UBE3C: variants seen among roughly 807,000 people sequenced by gnomAD.
UBE3C encodes the protein ubiquitin-protein ligase E3C.
Under a neutral mutation model 129.4 loss-of-function variants are expected in UBE3C, and 42 were observed. That is an observed-to-expected ratio of 0.32 (90% confidence interval 0.25 to 0.42). The LOEUF (loss-of-function observed/expected upper bound fraction) is 0.42. Among genes scored for constraint, UBE3C ranks in the 10% least tolerant of loss-of-function variants. The pLI is 1.00. For missense variants in UBE3C, 1,049 were observed against 1,319.1 expected, an observed-to-expected ratio of 0.80 and a Z score of 3.17; for synonymous variants, 510 against 492.4, an observed-to-expected ratio of 1.04 and a Z score of -0.47.
chr7:157,229,168 A>G (rs768812763), intron 17 of UBE3C, among the ~76,000 whole-genome samples: 1 of 151,958 alleles, frequency 6.6e-6, no homozygotes, highest in Non-Finnish European at 1.5e-5. Flanking sequence ...CCTTCCCCCT[A>G]TCTTTTCTGC....
chr7:157,213,363 C>T (rs931370395), intron 13 of UBE3C, among the ~76,000 whole-genome samples: 1 of 152,242 alleles, frequency 6.6e-6, no homozygotes, highest in African/African-American at 2.4e-5. Context: ...CGACTGGCTC[C>T]ACCTCAGACT....
At chr7:157,216,766 T>C in intron 13 of UBE3C, 101 bp from the exon 14 acceptor site, 1 of 905,078 alleles carries the variant, frequency 1.1e-6, no homozygotes, top group Non-Finnish European at 1.7e-6. Context: ...CCTGGGTTCC[T>C]GCACCACCGC....
intron 22 of UBE3C, among the ~76,000 whole-genome samples, chr7:157,257,794 G>T (rs1796792334): frequency 6.8e-6 from 1 of 147,838 alleles, no homozygotes; most frequent in Non-Finnish European, 1.5e-5. Flanking sequence ...CATAATTCCT[G>T]TATTCACTGT....
chr7:157,197,927 T>C (rs1809168259), intron 10 of UBE3C: 2 of 1,607,618 alleles, frequency 1.2e-6, no homozygotes, highest in Non-Finnish European at 1.7e-6. Context: ...GTGTAAGCCT[T>C]CCAAGTTTTT....
intron 8 of UBE3C, among the ~76,000 whole-genome samples, chr7:157,183,449 T>C (rs1370376564): frequency 6.6e-6 from 1 of 152,174 alleles, no homozygotes; most frequent in Non-Finnish European, 1.5e-5. Flanking sequence ...TGTGTTGAGC[T>C]CATTGTGTCT....
rs987093823 is a variant in UBE3C at position 157,268,500 on chromosome 7, CTACTGCAACA to C, written c.*747_*756del. 6.6e-6 allele frequency: 1 copy of C among 152,620 alleles called. No individual in the cohort carries two copies. Among genetic ancestry groups the C allele is most frequent in the African/African-American group, 2.4e-5 (1 of 41,426 alleles). 9.5% of individuals were successfully genotyped at this position (152,620 alleles called of 1,614,324 possible). On this transcript the variant is annotated 3_prime_UTR_variant, in exon 23 of 23. Coordinates refer to ENST00000348165, the MANE Select transcript of UBE3C (RefSeq NM_014671.3). ...AGGTGGAGGAGGAGGGTCTGCCAAG[CTACTGCAACA>C]TCTGTCACCCACTATACCCAGTTAC...
At chr7:157,187,933 T>C (rs1260993114) in intron 10 of UBE3C, among the ~76,000 whole-genome samples, 1 of 152,154 alleles carries the variant, frequency 6.6e-6, no homozygotes, top group Non-Finnish European at 1.5e-5. Flanking sequence ...AAGTAAATTT[T>C]TGTTTTTCAG....
chr7:157,182,383 A>T, intron 8 of UBE3C, 55 bp downstream of exon 8: 2 of 1,565,016 alleles, frequency 1.3e-6, no homozygotes, highest in East Asian at 2.2e-5. Context: ...GCATTGGCAG[A>T]TGAGTCAAGA....
In UBE3C at chr7:157,254,125, G is replaced by GA; in HGVS notation, c.2867dup (p.Asp956GlufsTer39). ...CAGCCTCGAGTGGCTCCGAATGTTT[G>GA]ATCAGCAAGAAATTCAGGTACCCTA... On this transcript the variant is annotated frameshift_variant, in exon 20 of 23. Coordinates refer to ENST00000348165, the MANE Select transcript of UBE3C (RefSeq NM_014671.3). LOFTEE classifies it high-confidence loss of function. The GA allele has an allele frequency of 6.2e-7, 1 of 1,610,454 alleles. No individual in the cohort carries two copies. The highest frequency in any genetic ancestry group is 8.5e-7 in the Non-Finnish European group (1 of 1,178,130).
chr7:157,232,377 G>A (rs73507540), intron 18 of UBE3C, among the ~76,000 whole-genome samples: 17,594 of 151,564 alleles, frequency 0.12, 2,860 homozygotes, highest in African/African-American at 0.37. Context: ...TGTTTGAGAC[G>A]GAGTCTCTCC....
chr7:157,259,182 G>C (rs1796833145), intron 22 of UBE3C, among the ~76,000 whole-genome samples: 1 of 152,264 alleles, frequency 6.6e-6, no homozygotes, highest in African/African-American at 2.4e-5. Flanking sequence ...ACTCAGACCT[G>C]AGTCAGCGCT....
rs559504144 is a variant in UBE3C at position 157,146,986 on chromosome 7, C to T, written c.66+7648C>T. On this transcript the variant is annotated intron_variant, in intron 1 of 22. Coordinates refer to ENST00000348165, the MANE Select transcript of UBE3C (RefSeq NM_014671.3). ...TTGAAGTCTGGTAGTGTGAGTCCTT[C>T]GACTTCCTTCTTCTTTAGTATTGTG... Among the ~76,000 whole-genome samples, 20 of 152,194 alleles carry T rather than the reference C, an allele frequency of 1.3e-4. No homozygotes were observed. In the South Asian group the frequency reaches 3.3e-3, roughly 25 times the overall value.
At chr7:157,157,326 T>C (rs1586649740) in intron 1 of UBE3C, among the ~76,000 whole-genome samples, 1 of 152,146 alleles carries the variant, frequency 6.6e-6, no homozygotes, top group African/African-American at 2.4e-5. Context: ...AAAAATATCA[T>C]AACCAAGGTT....
intron 22 of UBE3C, among the ~76,000 whole-genome samples, chr7:157,267,185 A>C (rs189429710): frequency 6.6e-6 from 1 of 151,656 alleles, no homozygotes; most frequent in Non-Finnish European, 1.5e-5. Context: ...GCACTTTGGG[A>C]GGCAGAGGTG....
At chr7:157,180,482 T>C (rs1216034036) in intron 6 of UBE3C, among the ~76,000 whole-genome samples, 1 of 152,176 alleles carries the variant, frequency 6.6e-6, no homozygotes. Context: ...GATAAAGTAC[T>C]GAGTATGCAT....
chr7:157,186,543 A>G (rs1221277496), intron 9 of UBE3C, among the ~76,000 whole-genome samples: 3 of 143,414 alleles, frequency 2.1e-5, no homozygotes, highest in African/African-American at 7.9e-5. Flanking sequence ...AGCTTGATGT[A>G]AAAAAAAAAA....
At chr7:157,140,985 C>T (rs946423029) in intron 1 of UBE3C, among the ~76,000 whole-genome samples, 1 of 152,186 alleles carries the variant, frequency 6.6e-6, no homozygotes, top group African/African-American at 2.4e-5. Context: ...AAGGAAAAGG[C>T]GTCTCAGCTG....
At chr7:157,222,894 G>A (rs866389330) in intron 15 of UBE3C, 11 of 224,784 alleles carry the variant, frequency 4.9e-5, no homozygotes, top group South Asian at 2.1e-4. Context: ...GAAAGGGCAC[G>A]AAGGTGGTCG....
chr7:157,162,447 C>T (rs1170132048), intron 1 of UBE3C, among the ~76,000 whole-genome samples: 2 of 152,150 alleles, frequency 1.3e-5, no homozygotes, highest in Non-Finnish European at 2.9e-5. Flanking sequence ...CCCGCCTCGG[C>T]CTCCCAAAGT....
Sources: allele counts gnomAD v4.1 joint callset (sites outside exome capture counted in the v4.1 genomes callset), GRCh38; gene constraint gnomAD v4.1.1; transcripts MANE v1.5; gene names NCBI Gene and HGNC (gene_info 2026-07-23, HGNC 2026-07-21).